FOXP2: variants seen among roughly 807,000 people sequenced by gnomAD.
FOXP2 encodes the protein forkhead box P2.
Under a neutral mutation model 115.8 loss-of-function variants are expected in FOXP2, and 12 were observed. That is an observed-to-expected ratio of 0.10 (90% CI 0.07 to 0.17). The LOEUF (loss-of-function observed/expected upper bound fraction) is 0.17. FOXP2 is among the 10% of genes least tolerant of loss of function. The pLI is 1.00. For missense variants in FOXP2, 629 were observed against 843.5 expected, an observed-to-expected ratio of 0.75 and a Z score of 3.15; for synonymous variants, 328 against 297.7, an observed-to-expected ratio of 1.10 and a Z score of -1.05.
At chr7:114,536,988 T>A (rs1799426332) in intron 3 of FOXP2, among the ~76,000 whole-genome samples, 1 of 151,582 alleles carries the variant, frequency 6.6e-6, no homozygotes, top group Admixed American at 6.6e-5. Context: ...TAACAGCATT[T>A]GATACTAGCT....
chr7:114,213,730 T>G (rs1794415555), intron 1 of FOXP2, among the ~76,000 whole-genome samples: 1 of 152,170 alleles, frequency 6.6e-6, no homozygotes. Context: ...TCAAGCTTGA[T>G]TTGAATGCTA....
At chr7:114,675,856 G>T (rs1207098059) in intron 16 of FOXP2, among the ~76,000 whole-genome samples, 1 of 151,528 alleles carries the variant, frequency 6.6e-6, no homozygotes, top group African/African-American at 2.4e-5. Context: ...TATATAAGAG[G>T]TAAAAAAGAA....
intron 7 of FOXP2, among the ~76,000 whole-genome samples, 189 bp downstream of exon 7, chr7:114,642,812 A>ATATATATATATTT (rs1308357594): frequency 1.5e-4 from 11 of 72,420 alleles, no homozygotes; most frequent in East Asian, 6.2e-4. Flanking sequence ...ATATATATAT[A>ATATATATATATTT]TTTTTTTTTT....
chr7:114,579,843 T>G (rs1358985896), intron 3 of FOXP2, among the ~76,000 whole-genome samples: 1 of 152,192 alleles, frequency 6.6e-6, no homozygotes, highest in Non-Finnish European at 1.5e-5. Flanking sequence ...AAATGATGAG[T>G]TATCACCTAT....
intron 1 of FOXP2, among the ~76,000 whole-genome samples, chr7:114,168,230 G>A (rs1793035364): frequency 6.6e-6 from 1 of 152,304 alleles, no homozygotes; most frequent in Non-Finnish European, 1.5e-5. Context: ...CTGGGTAACA[G>A]GCAGAGGTTG....
At chr7:114,338,748 TCACACACACACA>T (rs56411270) in intron 2 of FOXP2, among the ~76,000 whole-genome samples, 199 of 146,628 alleles carry the variant, frequency 1.4e-3, no homozygotes, top group African/African-American at 2.8e-3. Context: ...GTCAAGATGT[TCACACACACACA>T]CACACACACA....
intron 1 of FOXP2, among the ~76,000 whole-genome samples, chr7:114,240,920 A>G (rs187367821): frequency 6.6e-6 from 1 of 152,114 alleles, no homozygotes; most frequent in Non-Finnish European, 1.5e-5. Context: ...TAAGATGCTT[A>G]TAGGTTATTT....
At chr7:114,524,409 T>C (rs1798764666) in intron 2 of FOXP2, among the ~76,000 whole-genome samples, 1 of 152,182 alleles carries the variant, frequency 6.6e-6, no homozygotes, top group African/African-American at 2.4e-5. Context: ...GTTCTCTTTA[T>C]ACCCTGAACA....
chr7:114,582,748 A>G (rs1037414450), intron 3 of FOXP2, among the ~76,000 whole-genome samples: 34 of 152,316 alleles, frequency 2.2e-4, no homozygotes, highest in Non-Finnish European at 4.3e-4. Flanking sequence ...TTTTAGAAAA[A>G]CCTTTTAGTG....
At chr7:114,537,806 C>A (rs982585642) in intron 3 of FOXP2, among the ~76,000 whole-genome samples, 1 of 151,462 alleles carries the variant, frequency 6.6e-6, no homozygotes, top group Non-Finnish European at 1.5e-5. Flanking sequence ...ACATGAAACA[C>A]CAATTGAATA....
chr7:114,323,408 A>G (rs1226866775), intron 2 of FOXP2, among the ~76,000 whole-genome samples: 3 of 152,048 alleles, frequency 2.0e-5, no homozygotes, highest in Non-Finnish European at 2.9e-5. Context: ...GTACAGAAAA[A>G]TGAATTTAAT....
At chr7:114,206,996 C>T (rs1207356028) in intron 1 of FOXP2, among the ~76,000 whole-genome samples, 1 of 152,170 alleles carries the variant, frequency 6.6e-6, no homozygotes, top group African/African-American at 2.4e-5. Flanking sequence ...CCCTGGTAAC[C>T]TTATTCTTTC....
At chr7:114,427,086 A>G (rs753782907) in intron 2 of FOXP2, among the ~76,000 whole-genome samples, 6 of 151,748 alleles carry the variant, frequency 4.0e-5, no homozygotes, top group Non-Finnish European at 2.9e-5. Context: ...GAAAAGGACC[A>G]CAAGGACTTT....
chr7:114,506,881 C>T (rs1048896082), intron 2 of FOXP2, among the ~76,000 whole-genome samples: 1 of 151,644 alleles, frequency 6.6e-6, no homozygotes, highest in African/African-American at 2.4e-5. Flanking sequence ...GATATATAAG[C>T]TATAAGCTAT....
chr7:114,143,175 A>G (rs946998518), intron 1 of FOXP2, among the ~76,000 whole-genome samples: 1 of 149,286 alleles, frequency 6.7e-6, no homozygotes, highest in African/African-American at 2.5e-5. Flanking sequence ...TAATAATAAT[A>G]ATAATAATAA....
chr7:114,567,865 T>A (rs1457533372), intron 3 of FOXP2, among the ~76,000 whole-genome samples: 1 of 151,680 alleles, frequency 6.6e-6, no homozygotes, highest in Non-Finnish European at 1.5e-5. Flanking sequence ...CTGGGTGGGG[T>A]TTTCAAAGCA....
At chr7:114,463,070 C>A in intron 2 of FOXP2, 1 of 430,296 alleles carries the variant, frequency 2.3e-6, no homozygotes, top group South Asian at 1.7e-5. Flanking sequence ...GTTCTGTTTC[C>A]CAGGCTGGAG....
At chr7:114,152,490 A>T (rs1482241445) in intron 1 of FOXP2, among the ~76,000 whole-genome samples, 1 of 152,210 alleles carries the variant, frequency 6.6e-6, no homozygotes, top group Non-Finnish European at 1.5e-5. Context: ...GCTTTAGGTC[A>T]AGAGTAGTCA....
chr7:114,154,285 G>T (rs1792600845), intron 1 of FOXP2, among the ~76,000 whole-genome samples: 1 of 151,718 alleles, frequency 6.6e-6, no homozygotes, highest in Non-Finnish European at 1.5e-5. Flanking sequence ...GGTACATTTA[G>T]AAAATACTGT....
Sources: allele counts gnomAD v4.1 joint callset (sites outside exome capture counted in the v4.1 genomes callset), GRCh38; gene constraint gnomAD v4.1.1; transcripts MANE v1.5; gene names NCBI Gene and HGNC (gene_info 2026-07-23, HGNC 2026-07-21).